The following PRCC variants were observed in gnomAD, a reference collection of about 807,000 sequenced individuals.
PRCC encodes proline-rich protein PRCC.
In PRCC, 10 loss-of-function variants were observed where a neutral mutation model predicts 44.0. That is an observed-to-expected ratio of 0.23 (90% CI 0.14 to 0.39). PRCC has a LOEUF of 0.39. Among genes scored for constraint, PRCC ranks in the 10% least tolerant of loss-of-function variants. PRCC has a pLI of 1.00. For missense variants in PRCC, 573 were observed against 624.7 expected (o/e 0.92, Z 0.88); for synonymous variants, 278 against 259.5 (o/e 1.07, Z -0.69).
At chr1:156,788,222 T>A (rs1020797366) in intron 3 of PRCC, among the ~76,000 whole-genome samples, 1 of 152,220 alleles carries the variant, frequency 6.6e-6, no homozygotes, top group African/African-American at 2.4e-5. Flanking sequence ...GTATACTCAG[T>A]GTTTAGTTCC....
intron 6 of PRCC, among the ~76,000 whole-genome samples, 155 bp downstream of exon 6, chr1:156,797,496 G>C (rs990344341): frequency 1.3e-5 from 2 of 152,086 alleles, no homozygotes; most frequent in Non-Finnish European, 2.9e-5. Flanking sequence ...CACTAGGAGG[G>C]GATACATCCT....
At chr1:156,788,778 C>T (rs1234987397) in intron 3 of PRCC, among the ~76,000 whole-genome samples, 1 of 151,034 alleles carries the variant, frequency 6.6e-6, no homozygotes, top group African/African-American at 2.4e-5. Flanking sequence ...TATCCTCCCT[C>T]AGCCTCCCTA....
intron 2 of PRCC, among the ~76,000 whole-genome samples, chr1:156,783,579 C>G (rs2102762560): frequency 6.6e-6 from 1 of 152,146 alleles, no homozygotes. Flanking sequence ...AACCCTGTCT[C>G]TACTAAAAAT....
At position 156,787,074 on chromosome 1, in the gene PRCC, G is replaced by A. The variant is rs1206305871; in HGVS notation, c.983G>A (p.Gly328Asp). 3.1e-6 allele frequency: 5 copies of A among 1,614,204 alleles called. No individual in the cohort carries two copies. The highest frequency in any genetic ancestry group is 4.2e-6 in the Non-Finnish European group (5 of 1,180,034). Reference protein sequence around the residue: ...NAPLEFKMAAGSSGAPWMPKP... With the variant: ...NAPLEFKMAADSSGAPWMPKP... ...CCCCTTGAATTCAAGATGGCAGCAG[G>A]TTCAAGTGGGGCCCCTTGGATGCCT... Residue 328 changes from glycine to aspartate, a missense_variant, in exon 3 of 7, where the codon GGT becomes GAT. Transcript: ENST00000271526.
At chr1:156,777,462 C>CTTTG (rs1224353187) in intron 1 of PRCC, among the ~76,000 whole-genome samples, 1 of 151,966 alleles carries the variant, frequency 6.6e-6, no homozygotes, top group Non-Finnish European at 1.5e-5. Flanking sequence ...TTGTCCTTTC[C>CTTTG]TTTGCCACCC....
chr1:156,782,195 G>T, intron 1 of PRCC, 87 bp from the exon 2 acceptor site: 1 of 1,281,468 alleles, frequency 7.8e-7, no homozygotes, highest in South Asian at 1.3e-5. Context: ...GGCCACTGTT[G>T]TCCAACCCTT....
intron 1 of PRCC, 52 bp from the exon 2 acceptor site, chr1:156,782,230 T>A: frequency 6.7e-7 from 1 of 1,498,130 alleles, no homozygotes; most frequent in South Asian, 1.2e-5. Context: ...TTAATGTGTT[T>A]CCTTTACTGT....
At position 156,794,786 on chromosome 1, in the gene PRCC, A is replaced by C; in HGVS notation, c.1301A>C (p.Lys434Thr). 6.2e-7 allele frequency: 1 copy of C among 1,614,216 alleles called. No homozygotes were observed. Reference sequence around the variant, plus strand: ...ATGACTAAGTCATTGACAGAAGAGAAAACCATGAAGTCATTCAGCAAAGTA... The same window carrying C: ...ATGACTAAGTCATTGACAGAAGAGACAACCATGAAGTCATTCAGCAAAGTA... ...QWMTKSLTEE[K>T]TMKSFSKKKG... The change falls in exon 5 of 7, where the codon AAA becomes ACA. Residue 434 changes from lysine to threonine, a missense_variant. Lys to Thr is a moderately conservative substitution (Grantham distance 78). Coordinates refer to ENST00000271526, the MANE Select transcript of PRCC (RefSeq NM_005973.5).
chr1:156,791,377 TGA>T (rs1652467437), intron 3 of PRCC: 2 of 466,324 alleles, frequency 4.3e-6, no homozygotes, highest in East Asian at 7.7e-5. Context: ...AGGTAAGAGG[TGA>T]GAGTCTCTCT....
At chr1:156,771,202 G>C (rs1343554507) in intron 1 of PRCC, among the ~76,000 whole-genome samples, 1 of 152,208 alleles carries the variant, frequency 6.6e-6, no homozygotes, top group African/African-American at 2.4e-5. Flanking sequence ...GGAACCTCAG[G>C]TGAGTAAAGC....
intron 1 of PRCC, among the ~76,000 whole-genome samples, chr1:156,771,948 A>T (rs550465060): frequency 1.5e-4 from 23 of 152,260 alleles, no homozygotes; most frequent in East Asian, 3.9e-4. Flanking sequence ...TTCATTTTTT[A>T]AAAAATTTGT....
At chr1:156,774,821 G>A (rs543756995) in intron 1 of PRCC, among the ~76,000 whole-genome samples, 22 of 151,628 alleles carry the variant, frequency 1.5e-4, no homozygotes, top group Non-Finnish European at 2.1e-4. Flanking sequence ...GCGTGGTGGC[G>A]CATACCTGTA....
At chr1:156,779,103 A>AATATATATATGTAT (rs1651934396) in intron 1 of PRCC, among the ~76,000 whole-genome samples, 1 of 28,004 alleles carries the variant, frequency 3.6e-5, no homozygotes, top group African/African-American at 1.3e-4. Flanking sequence ...CCGGCCGGGT[A>AATATATATATGTAT]ATATATATAT....
chr1:156,795,361 T>G (rs1652631353), intron 5 of PRCC, among the ~76,000 whole-genome samples: 1 of 142,974 alleles, frequency 7.0e-6, no homozygotes, highest in African/African-American at 2.6e-5. Context: ...AGTCACAGCT[T>G]ATTGCAACCT....
Position 156,786,661 on chromosome 1 carries a change from G to A in PRCC, c.570G>A (p.Leu190=), listed in dbSNP as rs1275741433. 6.2e-7 allele frequency: 1 copy of A among 1,614,010 alleles called. No individual in the cohort carries two copies. Among genetic ancestry groups the A allele is most frequent in the Non-Finnish European group, 8.5e-7 (1 of 1,180,020 alleles). The change falls in exon 3 of 7, where the codon CTG becomes CTA. Residue 190 remains leucine (L), a synonymous_variant. Coordinates refer to ENST00000271526, the MANE Select transcript of PRCC (RefSeq NM_005973.5). ...LSALLPQPKN[L]TVKETNRLLL... ...CCTTGCTTCCCCAACCTAAAAACCT[G>A]ACTGTGAAAGAGACTAACAGGTTGC...
rs145161224 is a variant in PRCC at position 156,798,803 on chromosome 1, C to T, written c.1389+1462C>T. ...GGTGGAGGTTGCAGTGAGCTGAGAT[C>T]GCGCCACTGCACTCCAGCCTGGGTG... is the stretch of plus-strand genomic sequence containing the variant. On this transcript the variant is annotated intron_variant, in intron 6 of 6. Transcript: ENST00000271526. 3.2e-3 allele frequency among the ~76,000 whole-genome samples: 475 copies of T among 147,950 alleles called. 4 individuals carry two copies. Among genetic ancestry groups the T allele is most frequent in the African/African-American group, 0.011 (449 of 39,772 alleles).
At position 156,781,336 on chromosome 1, in the gene PRCC, T is replaced by C. The variant is rs181842947; in HGVS notation, c.469-946T>C. ...AACTTGTGAGATATGAGAGCGAGTA[T>C]AGAACAGCAGAGGATTTGAGTTCTC... On this transcript the variant is annotated intron_variant, in intron 1 of 6. Transcript: ENST00000271526. Among the ~76,000 whole-genome samples the C allele has an allele frequency of 1.9e-3, 295 of 152,312 alleles. 1 individual carries two copies. The highest frequency in any genetic ancestry group is 6.7e-3 in the African/African-American group (279 of 41,572).
intron 6 of PRCC, among the ~76,000 whole-genome samples, chr1:156,798,045 A>G (rs1038602019): frequency 6.6e-6 from 1 of 150,842 alleles, no homozygotes; most frequent in African/African-American, 2.4e-5. Flanking sequence ...CTGGGCTCAA[A>G]TGATCCTCCT....
At chr1:156,779,811 G>A (rs1462530260) in intron 1 of PRCC, among the ~76,000 whole-genome samples, 1 of 151,762 alleles carries the variant, frequency 6.6e-6, no homozygotes. Context: ...TGAACTCCTG[G>A]CCTCAAGTGA....
Sources: gnomAD v4.1 joint callset for allele counts (sites outside exome capture counted in the v4.1 genomes callset) on GRCh38, gnomAD v4.1.1 for gene constraint, MANE v1.5 for transcripts, NCBI Gene and HGNC (gene_info 2026-07-23, HGNC 2026-07-21) for gene names.